The following FAF1 variants were observed in gnomAD, a reference collection of about 807,000 sequenced individuals.
FAF1 encodes Fas associated factor 1.
FAF1 carries 25 observed loss-of-function variants against 92.5 expected under a neutral mutation model. The ratio of observed to expected loss-of-function variants is 0.27; its 90% CI spans 0.20 to 0.38. The LOEUF (loss-of-function observed/expected upper bound fraction) is 0.38. FAF1 is among the 10% of genes least tolerant of loss of function. FAF1 has a pLI of 1.00. For synonymous variants in FAF1, 234 were observed against 273.2 expected, an observed-to-expected ratio of 0.86 and a Z score of 1.42; for missense variants, 636 against 793.3, an observed-to-expected ratio of 0.80 and a Z score of 2.38.
intron 3 of FAF1, among the ~76,000 whole-genome samples, chr1:50,798,975 G>A (rs1172073426): frequency 6.6e-6 from 1 of 152,030 alleles, no homozygotes; most frequent in Non-Finnish European, 1.5e-5. Context: ...GGCCTCCCAG[G>A]TTCAAGTTGT....
intron 12 of FAF1, among the ~76,000 whole-genome samples, chr1:50,580,595 A>T (rs1650944763): frequency 6.6e-6 from 1 of 152,024 alleles, no homozygotes; most frequent in Non-Finnish European, 1.5e-5. Flanking sequence ...GTTATAATTA[A>T]GAAAGTGATC....
At chr1:50,784,161 C>T (rs75926355) in intron 4 of FAF1, among the ~76,000 whole-genome samples, 4,994 of 152,146 alleles carry the variant, frequency 0.033, 294 homozygotes, top group African/African-American at 0.11. Flanking sequence ...TTCTATTCAA[C>T]GTAGTACTGG....
At chr1:50,643,136 C>CT (rs1654426613) in intron 8 of FAF1, among the ~76,000 whole-genome samples, 1 of 152,126 alleles carries the variant, frequency 6.6e-6, no homozygotes, top group Non-Finnish European at 1.5e-5. Flanking sequence ...GGCCTTTTCT[C>CT]TGTTTTATTT....
intron 7 of FAF1, among the ~76,000 whole-genome samples, chr1:50,682,480 T>G (rs1656467740): frequency 6.6e-6 from 1 of 152,162 alleles, no homozygotes; most frequent in Non-Finnish European, 1.5e-5. Context: ...TTTTTGCATC[T>G]TTCAATAAAA....
chr1:50,645,898 A>C (rs188255674), intron 8 of FAF1, among the ~76,000 whole-genome samples: 382 of 152,300 alleles, frequency 2.5e-3, no homozygotes, highest in Non-Finnish European at 2.6e-3. Context: ...ACTATTGACA[A>C]AAACAGATGC....
At chr1:50,451,436 C>T (rs1463066941) in intron 18 of FAF1, among the ~76,000 whole-genome samples, 1 of 152,164 alleles carries the variant, frequency 6.6e-6, no homozygotes, top group East Asian at 1.9e-4. Context: ...GGACAAGAGG[C>T]TCAGCGAGAT....
Position 50,539,637 on chromosome 1 carries a change from T to C in FAF1, c.1360A>G (p.Ile454Val). The C allele has an allele frequency of 6.2e-7, 1 of 1,613,002 alleles. No individual in the cohort carries two copies. The highest frequency in any genetic ancestry group is 8.5e-7 in the Non-Finnish European group (1 of 1,179,282). Residue 454 changes from isoleucine to valine, a missense_variant, in exon 14 of 19, where the codon ATT (isoleucine) becomes GTT (valine). Transcript: ENST00000396153. The stretch of plus-strand genomic sequence containing the variant: ...TCATTAGATGATCGCTTTCCCATAA[T>C]AATCAGGAAAAGCGGAAACTGATCC... ...KTDQFPLFLI[I>V]MGKRSSNEVL... is the part of the protein sequence containing the mutation.
intron 12 of FAF1, among the ~76,000 whole-genome samples, chr1:50,568,516 A>C (rs1421888237): frequency 6.6e-6 from 1 of 152,142 alleles, no homozygotes; most frequent in Non-Finnish European, 1.5e-5. Flanking sequence ...GAGGGTAGCC[A>C]CAGTTAGGTA....
At chr1:50,756,305 A>C (rs945905589) in intron 4 of FAF1, among the ~76,000 whole-genome samples, 3 of 148,750 alleles carry the variant, frequency 2.0e-5, no homozygotes, top group African/African-American at 7.9e-5. Flanking sequence ...GGGCAGAGGC[A>C]AAATGCTGCC....
At chr1:50,802,124 C>T (rs980260716) in intron 2 of FAF1, among the ~76,000 whole-genome samples, 1 of 150,976 alleles carries the variant, frequency 6.6e-6, no homozygotes, top group Non-Finnish European at 1.5e-5. Flanking sequence ...GAGTTTCACT[C>T]TTGTTGCCCA....
At chr1:50,640,488 G>T (rs1262480429) in intron 8 of FAF1, among the ~76,000 whole-genome samples, 1 of 151,890 alleles carries the variant, frequency 6.6e-6, no homozygotes, top group Non-Finnish European at 1.5e-5. Flanking sequence ...TAGAGACAAG[G>T]TTTCACCGTG....
At chr1:50,740,561 C>T (rs943331163) in intron 5 of FAF1, among the ~76,000 whole-genome samples, 3 of 152,058 alleles carry the variant, frequency 2.0e-5, no homozygotes, top group Non-Finnish European at 1.5e-5. Flanking sequence ...TACACTCTGG[C>T]GTTTCCTATT....
intron 2 of FAF1, among the ~76,000 whole-genome samples, chr1:50,819,175 G>A (rs756506015): frequency 3.9e-5 from 6 of 152,114 alleles, no homozygotes; most frequent in African/African-American, 1.4e-4. Flanking sequence ...AATTAGATCC[G>A]TGCTTGCCTA....
intron 13 of FAF1, among the ~76,000 whole-genome samples, chr1:50,554,390 T>TATATAGAGAG: frequency 6.6e-4 from 62 of 93,676 alleles, no homozygotes; most frequent in African/African-American, 1.7e-3. Context: ...TATATATATA[T>TATATAGAGAG]AGAGAGAGAG....
At chr1:50,710,621 G>A (rs1657882106) in intron 6 of FAF1, among the ~76,000 whole-genome samples, 2 of 145,604 alleles carry the variant, frequency 1.4e-5, no homozygotes, top group South Asian at 2.2e-4. Context: ...TTTTTTTTTC[G>A]AGACAGAGTC....
chr1:50,956,558 T>A (rs77370199), intron 1 of FAF1, among the ~76,000 whole-genome samples: 1 of 152,240 alleles, frequency 6.6e-6, no homozygotes, highest in Non-Finnish European at 1.5e-5. Flanking sequence ...AATTTTACCA[T>A]ATTCACTTTT....
chr1:50,626,836 T>C (rs1013303838), intron 8 of FAF1, among the ~76,000 whole-genome samples: 2 of 152,112 alleles, frequency 1.3e-5, no homozygotes, highest in Admixed American at 1.3e-4. Flanking sequence ...TATCTTATAT[T>C]GGGGTAGTGG....
chr1:50,522,766 T>C (rs1048914971), intron 15 of FAF1, among the ~76,000 whole-genome samples: 6 of 152,310 alleles, frequency 3.9e-5, no homozygotes, highest in East Asian at 1.9e-4. Context: ...TATTGTAAAA[T>C]ATACATAACA....
At chr1:50,638,238 C>T (rs966835214) in intron 8 of FAF1, among the ~76,000 whole-genome samples, 3 of 152,030 alleles carry the variant, frequency 2.0e-5, no homozygotes, top group African/African-American at 4.8e-5. Context: ...AAACAAACTA[C>T]TAAATATTTT....
Sources: gnomAD v4.1 joint callset for allele counts (sites outside exome capture counted in the v4.1 genomes callset) on GRCh38, gnomAD v4.1.1 for gene constraint, MANE v1.5 for transcripts, NCBI Gene and HGNC (gene_info 2026-07-23, HGNC 2026-07-21) for gene names.